CREB1: variants seen among roughly 807,000 people sequenced by gnomAD.
The protein encoded by CREB1 is cAMP responsive element binding protein 1, also known as cyclic AMP-responsive element-binding protein 1.
A neutral mutation model predicts 42.0 loss-of-function variants in CREB1; 2 were observed. The observed-to-expected ratio is 0.05, with a 90% CI of 0.02 to 0.15. The LOEUF (loss-of-function observed/expected upper bound fraction) is 0.15, where lower values mean the gene tolerates loss of function less well. CREB1 is among the 10% of genes least tolerant of loss of function. The pLI is 1.00. For synonymous variants in CREB1, 123 were observed against 139.9 expected (o/e 0.88, Z 0.85); for missense variants, 199 against 388.9 (o/e 0.51, Z 4.11).
Position 207,599,944 on chromosome 2 carries a change from A to G in CREB1, c.*2886A>G, listed in dbSNP as rs1378676723. On this transcript the variant is annotated 3_prime_UTR_variant, in exon 8 of 8. Transcript: ENST00000353267. ...TTGATATTGCTCACTTTGCAAATATAGGGCCATGTGGCACTTTTATCTATA... is the reference window on the plus strand; with the variant it reads ...TTGATATTGCTCACTTTGCAAATATGGGGCCATGTGGCACTTTTATCTATA... The G allele has an allele frequency of 1.0e-5, 2 of 193,176 alleles. No homozygotes were observed. Among genetic ancestry groups the G allele is most frequent in the Non-Finnish European group, 2.2e-5 (2 of 92,576 alleles). The allele number at this position is 193,176 out of a possible 1,614,324, so 12.0% of individuals were successfully genotyped here.
intron 1 of CREB1, among the ~76,000 whole-genome samples, chr2:207,553,504 CAG>C (rs35047346): frequency 0.078 from 11,911 of 151,916 alleles, 681 homozygotes; most frequent in Admixed American, 0.17. Flanking sequence ...TGATAATAAC[CAG>C]AGTTATTTGA....
At chr2:207,571,623 C>G in intron 5 of CREB1, 1 of 319,806 alleles carries the variant, frequency 3.1e-6, no homozygotes, top group South Asian at 2.5e-5. Context: ...ACCTACAATT[C>G]TGTACGTGTA....
intron 7 of CREB1, chr2:207,582,777 C>A: frequency 4.4e-6 from 1 of 228,452 alleles, no homozygotes; most frequent in Non-Finnish European, 9.0e-6. Context: ...CTTGTAATCC[C>A]AGCTACTCAG....
At chr2:207,567,337 C>T (rs1422287536) in intron 3 of CREB1, 126 bp from the exon 4 acceptor site, 2 of 581,408 alleles carry the variant, frequency 3.4e-6, no homozygotes, top group East Asian at 3.0e-5. Flanking sequence ...GGTTGTCTCC[C>T]ATAAGAACTG....
chr2:207,578,906 T>C (rs2082710615), intron 7 of CREB1, among the ~76,000 whole-genome samples: 1 of 152,048 alleles, frequency 6.6e-6, no homozygotes, highest in South Asian at 2.1e-4. Flanking sequence ...TTCTCCTGCC[T>C]CAACCTCCCG....
intron 6 of CREB1, chr2:207,576,691 A>T: frequency 7.8e-7 from 1 of 1,281,316 alleles, no homozygotes; most frequent in African/African-American, 1.5e-5. Flanking sequence ...CAGTTTGAAG[A>T]TGGTAACATG....
At chr2:207,559,499 A>C (rs1045481224) in intron 2 of CREB1, among the ~76,000 whole-genome samples, 6 of 152,174 alleles carry the variant, frequency 3.9e-5, no homozygotes, top group African/African-American at 1.4e-4. Context: ...TTTCAGTTCT[A>C]ACATTATTCC....
At chr2:207,568,241 G>GT (rs1163839534) in intron 4 of CREB1, 4 of 151,888 alleles carry the variant, frequency 2.6e-5, no homozygotes, top group African/African-American at 4.8e-5. Flanking sequence ...CAAAGGGATG[G>GT]TTTTTTCCCC....
intron 1 of CREB1, among the ~76,000 whole-genome samples, chr2:207,543,667 A>G (rs539829820): frequency 2.0e-5 from 3 of 152,028 alleles, no homozygotes; most frequent in Non-Finnish European, 4.4e-5. Flanking sequence ...CAGTGGTGCT[A>G]TCTTGGCTCA....
At chr2:207,561,337 G>A (rs1029850902) in intron 3 of CREB1, among the ~76,000 whole-genome samples, 3 of 152,110 alleles carry the variant, frequency 2.0e-5, no homozygotes, top group Non-Finnish European at 4.4e-5. Context: ...TTAGTCTGTT[G>A]CTTAATTCTG....
chr2:207,597,571 C>G lies in CREB1; in HGVS notation c.*513C>G. The G allele has an allele frequency of 4.8e-6, 1 of 209,990 alleles. No individual in the cohort carries two copies. The highest frequency in any genetic ancestry group is 9.7e-6 in the Non-Finnish European group (1 of 103,274). The allele number at this position is 209,990 out of a possible 1,614,324, so 13.0% of individuals were successfully genotyped here. A position where few individuals can be genotyped will look rare whatever the true frequency, so the allele number is the denominator to read the frequency against. ...TGAATTATGTAAAGTTGTTAAGAGA[C>G]ATACCCTCTAAAAAAGAACTTTAGC... On this transcript the variant is annotated 3_prime_UTR_variant, in exon 8 of 8. Coordinates refer to ENST00000353267, the MANE Select transcript of CREB1 (RefSeq NM_004379.5).
At chr2:207,572,385 AATAC>A (rs1361506666) in intron 5 of CREB1, among the ~76,000 whole-genome samples, 1 of 152,048 alleles carries the variant, frequency 6.6e-6, no homozygotes, top group East Asian at 1.9e-4. Context: ...CAATATAATA[AATAC>A]ATATACAGCA....
intron 1 of CREB1, among the ~76,000 whole-genome samples, chr2:207,533,369 ATTCT>A (rs1461255171): frequency 6.6e-6 from 1 of 152,146 alleles, no homozygotes; most frequent in Non-Finnish European, 1.5e-5. Context: ...TTTCTCTCTC[ATTCT>A]AAGACATTTG....
intron 2 of CREB1, among the ~76,000 whole-genome samples, chr2:207,557,457 C>T (rs796185536): frequency 1.2e-4 from 18 of 152,180 alleles, no homozygotes; most frequent in African/African-American, 4.3e-4. Flanking sequence ...CCGAGGCAGG[C>T]GGATCACGAG....
intron 5 of CREB1, among the ~76,000 whole-genome samples, 154 bp from the exon 6 acceptor site, chr2:207,575,118 G>A (rs915640066): frequency 3.9e-5 from 6 of 152,154 alleles, no homozygotes; most frequent in African/African-American, 1.4e-4. Context: ...GTTTCCTGAG[G>A]AGCAAGTTAC....
chr2:207,547,561 C>T (rs965597674), intron 1 of CREB1, among the ~76,000 whole-genome samples: 2 of 152,104 alleles, frequency 1.3e-5, no homozygotes, highest in African/African-American at 4.8e-5. Context: ...TCTGTGAGAT[C>T]AATTCTTCCA....
rs868038034 is a variant in CREB1 at position 207,550,761 on chromosome 2, A to G, written c.-8-4867A>G. On this transcript the variant is annotated intron_variant, in intron 1 of 7. Transcript: ENST00000353267. ...CCAGAATTTGTCCCTGATTCAGTAT[A>G]GTTCTGTGCAGGTCTTGAGTAGATG... 4.6e-5 allele frequency among the ~76,000 whole-genome samples: 7 copies of G among 152,302 alleles called. No homozygotes were observed. In the South Asian group the frequency reaches 6.2e-4, roughly 14 times the overall value.
At chr2:207,551,935 A>T (rs1184467818) in intron 1 of CREB1, among the ~76,000 whole-genome samples, 1 of 148,718 alleles carries the variant, frequency 6.7e-6, no homozygotes. Flanking sequence ...CCAGCTACTC[A>T]GGAGGCTGAG....
chr2:207,573,426 G>A (rs1318370451), intron 5 of CREB1, among the ~76,000 whole-genome samples: 1 of 152,176 alleles, frequency 6.6e-6, no homozygotes, highest in Non-Finnish European at 1.5e-5. Context: ...AGAGAAGAGA[G>A]AACAGAATCA....
Sources: allele counts gnomAD v4.1 joint callset (sites outside exome capture counted in the v4.1 genomes callset), GRCh38; gene constraint gnomAD v4.1.1; transcripts MANE v1.5; gene names NCBI Gene and HGNC (gene_info 2026-07-23, HGNC 2026-07-21).